The following LVRN variants were observed in gnomAD, a reference collection of about 807,000 sequenced individuals.
The protein encoded by LVRN is laeverin, also known as aminopeptidase Q.
Under a neutral mutation model 111.4 loss-of-function variants are expected in LVRN, and 99 were observed. That is an observed-to-expected ratio of 0.89 (90% CI 0.76 to 1.05). The LOEUF is 1.05. Among genes scored for constraint, LVRN ranks in the 50% least tolerant of loss-of-function variants. The pLI, the probability that LVRN is intolerant of heterozygous loss-of-function variation, is 0.00. For missense variants in LVRN, 1,414 were observed against 1,206.8 expected, an observed-to-expected ratio of 1.17 and a Z score of -2.54; for synonymous variants, 488 against 449.5, an observed-to-expected ratio of 1.09 and a Z score of -1.08.
At position 116,003,154 on chromosome 5, in the gene LVRN, T is replaced by G; in HGVS notation, c.1898-87T>G. ...TTTAATTTTTTGTTTTGTTGGTTTA[T>G]TGTTTAGAATCGAGTGTGTAGTATT... On this transcript the variant is annotated intron_variant, in intron 11 of 19. Transcript: ENST00000357872. 2.4e-6 allele frequency: 3 copies of G among 1,253,794 alleles called. No homozygotes were observed. The South Asian group carries it at 4.3e-5, about 18-fold the overall frequency. 77.7% of individuals were successfully genotyped at this position (1,253,794 alleles called of 1,614,324 possible). A position where few individuals can be genotyped will look rare whatever the true frequency, so the allele number is the denominator to read the frequency against.
chr5:115,968,896 G>C (rs984999030), intron 1 of LVRN, among the ~76,000 whole-genome samples: 14 of 152,332 alleles, frequency 9.2e-5, no homozygotes, highest in African/African-American at 3.4e-4. Flanking sequence ...AAGTTCTGTA[G>C]AGTGTGAGTG....
chr5:115,991,098 C>A (rs779701217), intron 4 of LVRN, among the ~76,000 whole-genome samples: 37 of 152,092 alleles, frequency 2.4e-4, no homozygotes, highest in Non-Finnish European at 4.0e-4. Flanking sequence ...CATTGTACAG[C>A]AATATGGGTT....
chr5:116,014,004 C>G (rs1748544624), intron 15 of LVRN, among the ~76,000 whole-genome samples: 1 of 152,120 alleles, frequency 6.6e-6, no homozygotes, highest in Non-Finnish European at 1.5e-5. Context: ...CTTTCCCTTT[C>G]TTTTATAGAG....
In LVRN at chr5:116,014,939, T is replaced by G. The variant is rs191497837; in HGVS notation, c.2451-313T>G. On this transcript the variant is annotated intron_variant, in intron 16 of 19. Transcript: ENST00000357872. Reference sequence around the variant, plus strand: ...TCTGAAACTCTCATTTTGGTTTTATTACCTTTGATATAGCACCTCGGATGG... The same window carrying G: ...TCTGAAACTCTCATTTTGGTTTTATGACCTTTGATATAGCACCTCGGATGG... Among the ~76,000 whole-genome samples, 399 of 152,252 alleles carry G rather than the reference T, an allele frequency of 2.6e-3. 1 individual carries two copies. Among genetic ancestry groups the G allele is most frequent in the African/African-American group, 9.2e-3 (381 of 41,548 alleles).
At chr5:115,976,542 C>A (rs960112278) in intron 1 of LVRN, among the ~76,000 whole-genome samples, 1 of 151,958 alleles carries the variant, frequency 6.6e-6, no homozygotes, top group African/African-American at 2.4e-5. Flanking sequence ...ACTTTAAGAC[C>A]CTTTTATTTC....
intron 6 of LVRN, 61 bp downstream of exon 6, chr5:115,993,915 T>G: frequency 1.0e-6 from 1 of 984,416 alleles, no homozygotes; most frequent in South Asian, 1.9e-5. Context: ...TAATGCATAT[T>G]CATTCTTGAA....
intron 3 of LVRN, among the ~76,000 whole-genome samples, chr5:115,986,685 A>T (rs1340090148): frequency 2.0e-5 from 3 of 152,216 alleles, no homozygotes; most frequent in Non-Finnish European, 2.9e-5. Flanking sequence ...TAAGTAACAG[A>T]TAAAGATTTC....
intron 18 of LVRN, among the ~76,000 whole-genome samples, chr5:116,018,236 A>G (rs1469666947): frequency 6.6e-6 from 1 of 152,212 alleles, no homozygotes; most frequent in African/African-American, 2.4e-5. Context: ...AAACAAAAGA[A>G]CTTGAATTAA....
intron 18 of LVRN, among the ~76,000 whole-genome samples, chr5:116,017,590 A>G (rs1748628343): frequency 6.6e-6 from 1 of 152,192 alleles, no homozygotes; most frequent in African/African-American, 2.4e-5. Flanking sequence ...TGGTATGTCA[A>G]AGAGTTAAGG....
chr5:116,006,354 G>T (rs910753867), intron 13 of LVRN, among the ~76,000 whole-genome samples: 38 of 151,990 alleles, frequency 2.5e-4, no homozygotes, highest in Non-Finnish European at 5.1e-4. Flanking sequence ...TAAAATTAAG[G>T]AATATATGTA....
At chr5:115,971,383 G>T (rs1015810659) in intron 1 of LVRN, among the ~76,000 whole-genome samples, 1 of 152,072 alleles carries the variant, frequency 6.6e-6, no homozygotes, top group Non-Finnish European at 1.5e-5. Context: ...AGCTTTTGTT[G>T]TTGTATCTGT....
At chr5:115,992,361 C>T in intron 5 of LVRN, 84 bp downstream of exon 5, 8 of 1,444,232 alleles carry the variant, frequency 5.5e-6, no homozygotes, top group Non-Finnish European at 7.7e-6. Context: ...CCCAGTAAGA[C>T]CCTGCCATAT....
At chr5:115,983,728 A>T (rs1459599774) in intron 2 of LVRN, among the ~76,000 whole-genome samples, 1 of 152,204 alleles carries the variant, frequency 6.6e-6, no homozygotes, top group Non-Finnish European at 1.5e-5. Context: ...TGGTGGGCTT[A>T]GTCTGAATCT....
At chr5:116,023,907 T>C (rs368724872) in intron 19 of LVRN, among the ~76,000 whole-genome samples, 2 of 152,118 alleles carry the variant, frequency 1.3e-5, no homozygotes, top group Admixed American at 6.6e-5. Context: ...TGCCCACCCA[T>C]AGGTAAAAGA....
At chr5:115,981,569 A>C (rs1317278672) in intron 1 of LVRN, among the ~76,000 whole-genome samples, 1 of 152,188 alleles carries the variant, frequency 6.6e-6, no homozygotes, top group Non-Finnish European at 1.5e-5. Flanking sequence ...TCAAGCATTT[A>C]TCCTTTATGT....
chr5:116,007,223 C>G (rs1414817545), intron 13 of LVRN, among the ~76,000 whole-genome samples: 1 of 152,144 alleles, frequency 6.6e-6, no homozygotes, highest in Non-Finnish European at 1.5e-5. Flanking sequence ...TTATGCTATT[C>G]CAATTGTTTA....
At chr5:116,001,468 C>T (rs1163407998) in intron 10 of LVRN, among the ~76,000 whole-genome samples, 3 of 152,178 alleles carry the variant, frequency 2.0e-5, no homozygotes, top group Non-Finnish European at 2.9e-5. Flanking sequence ...GTTACATCAG[C>T]GACCCAAGCT....
At position 116,014,460 on chromosome 5, in the gene LVRN, G is replaced by A. The variant is rs769039525; in HGVS notation, c.2383G>A (p.Gly795Ser). The A allele has an allele frequency of 6.2e-7, 1 of 1,613,344 alleles. No homozygotes were observed. The highest frequency in any genetic ancestry group is 8.5e-7 in the Non-Finnish European group (1 of 1,179,608). The stretch of plus-strand genomic sequence containing the variant: ...ACTTTTTGTAACTGCGTGTTGGTTG[G>A]GCCTTGAAGACTGCCTTCAGCTGTC... ...EKLFVTACWLGLEDCLQLSKE... is the reference protein window; with the variant it reads ...EKLFVTACWLSLEDCLQLSKE... The change falls in exon 16 of 20, where the codon GGC becomes AGC. Residue 795 changes from glycine to serine, a missense_variant. By Grantham distance (56) the Gly-to-Ser change is moderately conservative (BLOSUM62 0). Transcript: ENST00000357872.
At chr5:116,000,260 G>A (rs1387376055) in intron 7 of LVRN, among the ~76,000 whole-genome samples, 173 bp from the exon 8 acceptor site, 2 of 152,154 alleles carry the variant, frequency 1.3e-5, no homozygotes, top group Admixed American at 6.5e-5. Flanking sequence ...TTTTACCTCT[G>A]AATTAGTGAC....
Sources: gnomAD v4.1 joint callset for allele counts (sites outside exome capture counted in the v4.1 genomes callset) on GRCh38, gnomAD v4.1.1 for gene constraint, MANE v1.5 for transcripts, NCBI Gene and HGNC (gene_info 2026-07-23, HGNC 2026-07-21) for gene names.